The following RNF144A variants were observed in gnomAD, a reference collection of about 807,000 sequenced individuals.
RNF144A encodes ring finger protein 144A.
A neutral mutation model predicts 38.7 loss-of-function variants in RNF144A; 11 were observed. That is an observed-to-expected ratio of 0.28 (90% CI 0.18 to 0.47). The LOEUF is 0.47. Among genes scored for constraint, RNF144A ranks in the 20% least tolerant of loss-of-function variants. The pLI is 0.99. For synonymous variants in RNF144A, 149 were observed against 143.9 expected (o/e 1.04, Z -0.25); for missense variants, 316 against 377.2 (o/e 0.84, Z 1.34).
At position 6,938,228 on chromosome 2, in the gene RNF144A, C is replaced by T. The variant is rs543637790; in HGVS notation, c.-211-2720C>T. ...CTTGGCATGTTTCTGTTCCCCTCCC[C>T]TCCCCCTCTCCCCTCCCCTCCCTTT... On this transcript the variant is annotated intron_variant, in intron 1 of 8. Coordinates refer to ENST00000320892, the MANE Select transcript of RNF144A (RefSeq NM_014746.6). 1.0e-4 allele frequency among the ~76,000 whole-genome samples: 14 copies of T among 138,716 alleles called. 1 individual carries two copies. The highest frequency in any genetic ancestry group is 2.3e-4 in the African/African-American group (9 of 38,400). 91.0% of individuals were successfully genotyped at this position (138,716 alleles called of 152,430 possible).
intron 2 of RNF144A, among the ~76,000 whole-genome samples, chr2:6,970,400 C>T (rs1009290772): frequency 2.6e-5 from 4 of 152,164 alleles, no homozygotes; most frequent in Non-Finnish European, 4.4e-5. Flanking sequence ...TGCCTTTCAC[C>T]ATGATTGCGA....
At chr2:6,930,480 A>G (rs530324469) in intron 1 of RNF144A, among the ~76,000 whole-genome samples, 2 of 152,232 alleles carry the variant, frequency 1.3e-5, no homozygotes, top group South Asian at 4.1e-4. Context: ...TTGTTACTCC[A>G]TATATATACA....
At chr2:6,925,913 ACAC>A (rs1664834213) in intron 1 of RNF144A, among the ~76,000 whole-genome samples, 1 of 152,154 alleles carries the variant, frequency 6.6e-6, no homozygotes. Flanking sequence ...AATACACACA[ACAC>A]ATATATATGT....
intron 1 of RNF144A, chr2:6,918,728 CA>C (rs1291871792): frequency 1.5e-5 from 2 of 131,836 alleles, no homozygotes; most frequent in African/African-American, 5.6e-5. Flanking sequence ...CGCGCCACAG[CA>C]CTCCCGCCTG....
intron 5 of RNF144A, among the ~76,000 whole-genome samples, chr2:7,019,302 T>A (rs1296480423): frequency 6.6e-6 from 1 of 152,176 alleles, no homozygotes; most frequent in African/African-American, 2.4e-5. Context: ...GATTTGTCAT[T>A]AACTTCCTGC....
intron 6 of RNF144A, among the ~76,000 whole-genome samples, chr2:7,022,263 TCTC>T (rs1200728609): frequency 6.6e-6 from 1 of 152,146 alleles, no homozygotes; most frequent in African/African-American, 2.4e-5. Flanking sequence ...GGTTAAATCT[TCTC>T]CTCAACCATG....
At chr2:6,970,497 C>T (rs1290366558) in intron 2 of RNF144A, among the ~76,000 whole-genome samples, 3 of 152,184 alleles carry the variant, frequency 2.0e-5, no homozygotes, top group African/African-American at 7.2e-5. Flanking sequence ...TTATGAGCAG[C>T]ATGAAAACAG....
intron 6 of RNF144A, among the ~76,000 whole-genome samples, chr2:7,060,452 CT>C (rs1163385461): frequency 6.6e-6 from 1 of 152,166 alleles, no homozygotes; most frequent in East Asian, 1.9e-4. Context: ...CTGGTTCTTG[CT>C]TTTGTTACCT....
At chr2:7,016,402 A>T (rs1671140844) in intron 5 of RNF144A, among the ~76,000 whole-genome samples, 1 of 152,210 alleles carries the variant, frequency 6.6e-6, no homozygotes, top group South Asian at 2.1e-4. Context: ...TTACAAGAAT[A>T]TGAACTTTCT....
chr2:7,025,117 C>T (rs1159992932), intron 7 of RNF144A, among the ~76,000 whole-genome samples: 6 of 152,298 alleles, frequency 3.9e-5, no homozygotes, highest in East Asian at 3.9e-4. Flanking sequence ...TGGTCTCATA[C>T]GGCAGCCTTC....
Position 6,990,546 on chromosome 2 carries a change from TAGAGAG to T in RNF144A, c.-11-6364_-11-6359del, listed in dbSNP as rs375634759. ...TTATATATATTGCTATGTATATATA[TAGAGAG>T]AGAGATTGCTACACACACAAACACA... On this transcript the variant is annotated intron_variant, in intron 2 of 8. Transcript: ENST00000320892. 3.4e-3 allele frequency among the ~76,000 whole-genome samples: 446 copies of T among 132,732 alleles called. 3 individuals carry two copies. Among genetic ancestry groups the T allele is most frequent in the Non-Finnish European group, 5.1e-3 (323 of 63,922 alleles). The allele number at this position is 132,732 out of a possible 152,430, so 87.1% of individuals were successfully genotyped here.
At position 7,061,845 on chromosome 2, in the gene RNF144A, T is replaced by C. The variant is rs377122799; in HGVS notation, c.735-6371T>C. On this transcript the variant is annotated intron_variant, in intron 6 of 6. Coordinates refer to the RNF144A transcript ENST00000432850. Reference sequence around the variant, plus strand: ...CTTTAGATATATTATATGATAGACATTACCTATAATATATTGTATGTATTG... The same window carrying C: ...CTTTAGATATATTATATGATAGACACTACCTATAATATATTGTATGTATTG... 2.0e-4 allele frequency among the ~76,000 whole-genome samples: 31 copies of C among 152,374 alleles called. No individual in the cohort carries two copies. In the South Asian group the frequency reaches 2.3e-3, roughly 11 times the overall value.
chr2:7,027,869 A>T (rs1294674931), intron 7 of RNF144A, among the ~76,000 whole-genome samples: 1 of 151,956 alleles, frequency 6.6e-6, no homozygotes, highest in Admixed American at 6.6e-5. Context: ...TGCTTTTATC[A>T]GGGGATAAGA....
chr2:7,072,760 T>A (rs189095449), downstream of RNF144A, among the ~76,000 whole-genome samples: 2 of 152,334 alleles, frequency 1.3e-5, no homozygotes, highest in East Asian at 3.9e-4. Context: ...AATGAGTGAA[T>A]GAATGCATGA....
At chr2:7,027,988 G>A (rs1261110438) in intron 7 of RNF144A, among the ~76,000 whole-genome samples, 1 of 132,208 alleles carries the variant, frequency 7.6e-6, no homozygotes, top group African/African-American at 2.7e-5. Flanking sequence ...GGTGGGGGGC[G>A]GGGTGGGAGG....
chr2:7,062,779 T>C (rs1674020538), intron 6 of RNF144A: 1 of 152,212 alleles, frequency 6.6e-6, no homozygotes, highest in African/African-American at 2.4e-5. Context: ...AACTGGCTGA[T>C]TGATCCTTAA....
chr2:6,926,424 G>A (rs771289), intron 1 of RNF144A, among the ~76,000 whole-genome samples: 9 of 152,132 alleles, frequency 5.9e-5, no homozygotes, highest in Non-Finnish European at 1.0e-4. Flanking sequence ...GAACTGCCCC[G>A]TGCAGGGGTT....
intron 6 of RNF144A, among the ~76,000 whole-genome samples, chr2:7,049,481 T>C (rs1673433218): frequency 6.6e-6 from 1 of 152,168 alleles, no homozygotes; most frequent in Admixed American, 6.5e-5. Flanking sequence ...TCACCTGGCA[T>C]ACAAAATCCT....
chr2:7,054,484 C>A (rs1185280741), intron 6 of RNF144A, among the ~76,000 whole-genome samples: 1 of 152,186 alleles, frequency 6.6e-6, no homozygotes, highest in Non-Finnish European at 1.5e-5. Context: ...ATTTTTCTGT[C>A]ATGCAAGTTA....
Sources: gnomAD v4.1 joint callset for allele counts (sites outside exome capture counted in the v4.1 genomes callset) on GRCh38, gnomAD v4.1.1 for gene constraint, MANE v1.5 for transcripts, NCBI Gene and HGNC (gene_info 2026-07-23, HGNC 2026-07-21) for gene names.